Variants in MACROD2 observed in about 807,000 individuals in gnomAD.
MACROD2 encodes ADP-ribose glycohydrolase MACROD2.
MACROD2 carries 36 observed loss-of-function variants against 70.4 expected under a neutral mutation model. That is an observed-to-expected ratio of 0.51 (90% confidence interval 0.39 to 0.68). MACROD2 has a LOEUF of 0.68. MACROD2 is among the 30% of genes least tolerant of loss of function. The pLI is 0.00. For missense variants in MACROD2, 496 were observed against 538.4 expected (o/e 0.92, Z 0.78); for synonymous variants, 172 against 178.8 (o/e 0.96, Z 0.30).
intron 8 of MACROD2, among the ~76,000 whole-genome samples, chr20:15,518,125 G>A (rs540196627): frequency 2.6e-5 from 4 of 152,368 alleles, no homozygotes; most frequent in South Asian, 4.1e-4. Flanking sequence ...GAGAAAAAAG[G>A]TGATGGGTTC....
intron 8 of MACROD2, among the ~76,000 whole-genome samples, chr20:15,579,160 G>A (rs1372771784): frequency 6.6e-6 from 1 of 152,114 alleles, no homozygotes; most frequent in Non-Finnish European, 1.5e-5. Flanking sequence ...TATTAGGGGT[G>A]CAACTGTGGC....
At chr20:14,939,647 G>A (rs2074372965) in intron 5 of MACROD2, among the ~76,000 whole-genome samples, 1 of 151,658 alleles carries the variant, frequency 6.6e-6, no homozygotes, top group Admixed American at 6.6e-5. Flanking sequence ...ATTTTGATAG[G>A]GATTGCATTG....
intron 4 of MACROD2, among the ~76,000 whole-genome samples, chr20:14,547,897 C>T (rs549636142): frequency 3.3e-5 from 5 of 152,226 alleles, no homozygotes; most frequent in African/African-American, 7.2e-5. Flanking sequence ...CCTGCAGTCT[C>T]GTGTGGACTT....
intron 3 of MACROD2, among the ~76,000 whole-genome samples, chr20:14,339,192 G>A (rs1250684486): frequency 4.6e-5 from 7 of 152,162 alleles, no homozygotes; most frequent in African/African-American, 1.4e-4. Context: ...CAAAGTAGGT[G>A]AACCCTTGAT....
intron 6 of MACROD2, among the ~76,000 whole-genome samples, chr20:15,312,927 T>G (rs990285503): frequency 6.6e-6 from 1 of 152,222 alleles, no homozygotes; most frequent in African/African-American, 2.4e-5. Context: ...ATTCAAGATA[T>G]TAATTTACTG....
At chr20:14,496,137 A>G (rs2084850308) in intron 4 of MACROD2, among the ~76,000 whole-genome samples, 1 of 152,194 alleles carries the variant, frequency 6.6e-6, no homozygotes, top group South Asian at 2.1e-4. Flanking sequence ...ACAGCTAGTA[A>G]TCATCTAATA....
intron 5 of MACROD2, among the ~76,000 whole-genome samples, chr20:14,962,219 G>A (rs2074589710): frequency 6.6e-6 from 1 of 152,062 alleles, no homozygotes; most frequent in Non-Finnish European, 1.5e-5. Context: ...GCCTATAACT[G>A]GTTCTCAGTC....
At chr20:15,073,360 A>G (rs2075633258) in intron 5 of MACROD2, among the ~76,000 whole-genome samples, 1 of 151,996 alleles carries the variant, frequency 6.6e-6, no homozygotes, top group Admixed American at 6.6e-5. Flanking sequence ...TATTACTAAA[A>G]CCCTGTGGCC....
intron 12 of MACROD2, among the ~76,000 whole-genome samples, chr20:15,944,244 A>G (rs998367061): frequency 1.3e-5 from 2 of 152,174 alleles, no homozygotes; most frequent in Admixed American, 6.6e-5. Flanking sequence ...TATTACTTAC[A>G]TATATTTTCT....
intron 5 of MACROD2, among the ~76,000 whole-genome samples, chr20:14,906,602 T>A (rs1176546748): frequency 6.6e-6 from 1 of 152,184 alleles, no homozygotes; most frequent in Non-Finnish European, 1.5e-5. Flanking sequence ...AGCACAGATA[T>A]CAGCCAGTAT....
In MACROD2 at chr20:15,990,080, C is replaced by T. The variant is rs564970803; in HGVS notation, c.1153+2922C>T. On this transcript the variant is annotated intron_variant, in intron 15 of 17. Coordinates refer to ENST00000684519, the MANE Select transcript of MACROD2 (RefSeq NM_001351661.2). Reference sequence around the variant, plus strand: ...TACACAATAGCACAGTGGACATGTCCCTGGGAGACCTGAAATACAAAAATT... The same window carrying T: ...TACACAATAGCACAGTGGACATGTCTCTGGGAGACCTGAAATACAAAAATT... Among the ~76,000 whole-genome samples, 3 of 152,138 alleles carry T rather than the reference C, an allele frequency of 2.0e-5. No individual in the cohort carries two copies. The East Asian group carries it at 5.8e-4, about 29-fold the overall frequency.
intron 4 of MACROD2, among the ~76,000 whole-genome samples, chr20:14,613,654 C>T (rs1983305036): frequency 1.3e-5 from 2 of 151,998 alleles, no homozygotes; most frequent in South Asian, 4.1e-4. Context: ...TCCAGTTATC[C>T]TCTTTCTTTG....
intron 6 of MACROD2, among the ~76,000 whole-genome samples, chr20:15,381,103 T>C (rs1402646449): frequency 6.6e-6 from 1 of 152,164 alleles, no homozygotes; most frequent in East Asian, 1.9e-4. Flanking sequence ...CTATGTGGAA[T>C]TTGCAGTAAA....
At chr20:15,298,795 T>C (rs565557817) in intron 6 of MACROD2, among the ~76,000 whole-genome samples, 34 of 152,184 alleles carry the variant, frequency 2.2e-4, no homozygotes, top group Non-Finnish European at 4.1e-4. Flanking sequence ...GTGCCTCCTA[T>C]ATGCCAGGCC....
chr20:15,781,539 T>G (rs1476799883), intron 8 of MACROD2, among the ~76,000 whole-genome samples: 1 of 152,160 alleles, frequency 6.6e-6, no homozygotes, highest in African/African-American at 2.4e-5. Flanking sequence ...CAAGATGGCT[T>G]CTTCTTGCTG....
intron 4 of MACROD2, among the ~76,000 whole-genome samples, chr20:14,513,175 A>G (rs2085049903): frequency 6.6e-6 from 1 of 152,160 alleles, no homozygotes. Flanking sequence ...ATCATTTGAC[A>G]TGAATGAGAA....
chr20:14,214,205 G>C (rs945611341), intron 3 of MACROD2, among the ~76,000 whole-genome samples: 4 of 152,116 alleles, frequency 2.6e-5, no homozygotes, highest in Non-Finnish European at 5.9e-5. Flanking sequence ...AGAAATTGCT[G>C]AGTCATGGTC....
At chr20:15,454,434 CACACACACACACACACACA>C (rs1442671440) in intron 7 of MACROD2, among the ~76,000 whole-genome samples, 16 of 151,110 alleles carry the variant, frequency 1.1e-4, no homozygotes, top group South Asian at 2.1e-4. Context: ...CACACACACA[CACACACACACACACACACA>C]CCCTTATTAT....
At chr20:15,772,099 A>ATATATATATATATATATATATAT (rs1433838867) in intron 8 of MACROD2, among the ~76,000 whole-genome samples, 1 of 91,306 alleles carries the variant, frequency 1.1e-5, no homozygotes, top group African/African-American at 5.6e-5. Flanking sequence ...AAAAAAAAAA[A>ATATATATATATATATATATATAT]AAATATATAT....
Sources: gnomAD v4.1 joint callset for allele counts (sites outside exome capture counted in the v4.1 genomes callset) on GRCh38, gnomAD v4.1.1 for gene constraint, MANE v1.5 for transcripts, NCBI Gene and HGNC (gene_info 2026-07-23, HGNC 2026-07-21) for gene names.